CEP164: variants seen among roughly 807,000 people sequenced by gnomAD.
CEP164 encodes centrosomal protein of 164 kDa.
A neutral mutation model predicts 182.7 loss-of-function variants in CEP164; 162 were observed. The observed-to-expected ratio is 0.89, with a 90% CI of 0.78 to 1.01. The LOEUF (loss-of-function observed/expected upper bound fraction) is 1.01. Among genes scored for constraint, CEP164 ranks in the 50% least tolerant of loss-of-function variants. The pLI, the probability that CEP164 is intolerant of heterozygous loss-of-function variation, is 0.00. For synonymous variants in CEP164, 661 were observed against 690.0 expected, an observed-to-expected ratio of 0.96 and a Z score of 0.66; for missense variants, 1,735 against 1,790.4, an observed-to-expected ratio of 0.97 and a Z score of 0.56.
chr11:117,396,028 C>A (rs1046076935), intron 24 of CEP164, 26 bp from the exon 25 acceptor site: 2 of 1,613,710 alleles, frequency 1.2e-6, no homozygotes, highest in African/African-American at 1.3e-5. Flanking sequence ...CGCTGCCCTG[C>A]CTCTCACTCA....
chr11:117,395,866 G>T lies in CEP164; in HGVS notation c.3089+144G>T, dbSNP rs1235494120. The T allele has an allele frequency of 4.1e-6, 5 of 1,224,304 alleles. No homozygotes were observed. The Admixed American group carries it at 1.3e-4, about 31-fold the overall frequency. The allele number at this position is 1,224,304 out of a possible 1,614,324, so 75.8% of individuals were successfully genotyped here. A position where few individuals can be genotyped will look rare whatever the true frequency, so the allele number is the denominator to read the frequency against. The stretch of plus-strand genomic sequence containing the variant: ...GCAGAAGAGCCTGTGGCTACATTTT[G>T]TAGGGAGTTGGGGTTGTTAAGATTC... On this transcript the variant is annotated intron_variant, in intron 24 of 32. Transcript: ENST00000278935.
intron 5 of CEP164, chr11:117,355,790 G>A: frequency 9.0e-7 from 1 of 1,107,932 alleles, no homozygotes. Flanking sequence ...AGAGCCCAGT[G>A]ACCCTGAGGC....
chr11:117,338,535 T>G, intron 2 of CEP164, 31 bp from the exon 3 acceptor site: 1 of 1,519,464 alleles, frequency 6.6e-7, no homozygotes, highest in Non-Finnish European at 9.1e-7. Context: ...TCACTGATTT[T>G]TCTCTTTTGG....
chr11:117,399,834 T>C (rs911179690), intron 27 of CEP164, among the ~76,000 whole-genome samples: 8 of 152,194 alleles, frequency 5.3e-5, no homozygotes, highest in Admixed American at 1.3e-4. Context: ...GATGAGGTTG[T>C]TTGTTTTTTT....
intron 2 of CEP164, among the ~76,000 whole-genome samples, chr11:117,337,696 C>T (rs1176743108): frequency 1.3e-5 from 2 of 152,040 alleles, no homozygotes; most frequent in East Asian, 3.9e-4. Context: ...GGGCAGCAGC[C>T]TCCTCAGGTG....
intron 10 of CEP164, 47 bp from the exon 11 acceptor site, chr11:117,375,661 G>GACACAGTCA: frequency 6.4e-7 from 1 of 1,557,156 alleles, no homozygotes; most frequent in Non-Finnish European, 8.9e-7. Flanking sequence ...GGTGGGTGTT[G>GACACAGTCA]ACTGTGACAG....
intron 8 of CEP164, among the ~76,000 whole-genome samples, chr11:117,369,959 A>T (rs1020594678): frequency 6.6e-6 from 1 of 152,228 alleles, no homozygotes; most frequent in Non-Finnish European, 1.5e-5. Context: ...TGACCTTTCT[A>T]TCCACCCTGC....
In CEP164 at chr11:117,336,734, G is replaced by A. The variant is rs996640744; in HGVS notation, c.-22+1054G>A. ...TGGGCCTTTCTGCTTGAAGAGGGCC[G>A]TTTCATCCTTGCTGCTCCAGGAGGA... On this transcript the variant is annotated intron_variant, in intron 2 of 32. Transcript: ENST00000278935. The A allele has an allele frequency of 2.9e-5, 19 of 664,844 alleles. No homozygotes were observed. The East Asian group carries it at 3.3e-4, about 11-fold the overall frequency. 41.2% of individuals were successfully genotyped at this position (664,844 alleles called of 1,614,324 possible).
In CEP164 at chr11:117,410,907, G is replaced by A; in HGVS notation, c.4163+13G>A. 2 of 1,611,012 alleles carry A rather than the reference G, an allele frequency of 1.2e-6. No homozygotes were observed. The highest frequency in any genetic ancestry group is 1.7e-6 in the Non-Finnish European group (2 of 1,178,590). On this transcript the variant is annotated intron_variant, in intron 31 of 32. Transcript: ENST00000278935. The stretch of plus-strand genomic sequence containing the variant: ...ACATGTCTGCCAGGTGAGCCTCCCT[G>A]GGGGCTGGTTGGGGTGGAACGTCAT...
chr11:117,335,551 G>T (rs964019196), intron 1 of CEP164, 54 bp from the exon 2 acceptor site: 1 of 150,972 alleles, frequency 6.6e-6, no homozygotes, highest in Non-Finnish European at 1.5e-5. Context: ...TCCAGATCCA[G>T]CCATTTCCTT....
Position 117,371,386 on chromosome 11 carries a change from G to T in CEP164, c.1072G>T (p.Gly358Cys), listed in dbSNP as rs1565511650. Residue 358 changes from glycine to cysteine, a missense_variant, in exon 9 of 33, where the codon GGT (glycine) becomes TGT (cysteine). Gly to Cys is a radical substitution (Grantham distance 159, BLOSUM62 -3). Coordinates refer to ENST00000278935, the MANE Select transcript of CEP164 (RefSeq NM_014956.5). ...GGACACAGTAGATGCAGGAGAGGAG[G>T]GTTCCAGGAGGGAAGAGGCAGCCAA... ...PEDTVDAGEE[G>C]SRREEAAKEP... The T allele has an allele frequency of 3.1e-6, 5 of 1,614,098 alleles. No homozygotes were observed. The highest frequency in any genetic ancestry group is 4.2e-6 in the Non-Finnish European group (5 of 1,180,032).
intron 25 of CEP164, 53 bp from the exon 26 acceptor site, chr11:117,396,497 C>T (rs1359131788): frequency 6.8e-7 from 1 of 1,461,942 alleles, no homozygotes; most frequent in Non-Finnish European, 9.6e-7. Context: ...CTTGAACCTG[C>T]AGGGTGTCTG....
chr11:117,387,241 C>G lies in CEP164; in HGVS notation c.1763C>G (p.Ser588Ter). The G allele has an allele frequency of 6.2e-7, 1 of 1,614,180 alleles. No individual in the cohort carries two copies. Among genetic ancestry groups the G allele is most frequent in the Non-Finnish European group, 8.5e-7 (1 of 1,180,004 alleles). Residue 588 changes from serine (S) to a stop codon, truncating the protein, a stop_gained, in exon 15 of 33, where the codon TCA becomes TGA. Coordinates refer to ENST00000278935, the MANE Select transcript of CEP164 (RefSeq NM_014956.5). LOFTEE classifies it high-confidence loss of function. ...TEPVAPPEQLSEAALKAMEEA... is the reference protein window; with the variant it reads ...TEPVAPPEQL The stretch of plus-strand genomic sequence containing the variant: ...CCTGTGGCTCCCCCAGAGCAGCTCT[C>G]AGAGGCTGCACTAAAGGCCATGGAA...
At chr11:117,346,621 T>C (rs570851100) in intron 4 of CEP164, among the ~76,000 whole-genome samples, 49 of 151,754 alleles carry the variant, frequency 3.2e-4, no homozygotes, top group African/African-American at 9.9e-4. Flanking sequence ...CCCAGCACTT[T>C]GGGAGGCCGA....
At chr11:117,408,461 A>G in intron 28 of CEP164, 1 of 241,236 alleles carries the variant, frequency 4.1e-6, no homozygotes, top group Non-Finnish European at 8.2e-6. Context: ...CACTGCAGGG[A>G]GAGCTTACTG....
chr11:117,344,595 T>C (rs1040558328), intron 4 of CEP164, among the ~76,000 whole-genome samples: 14 of 152,182 alleles, frequency 9.2e-5, no homozygotes, highest in African/African-American at 3.1e-4. Context: ...AGACTGATAT[T>C]GTAAGTGACA....
chr11:117,389,755 A>T (rs1273804588), intron 15 of CEP164, among the ~76,000 whole-genome samples: 3 of 152,034 alleles, frequency 2.0e-5, no homozygotes, highest in Non-Finnish European at 4.4e-5. Context: ...AGTGTGGTAG[A>T]ATGGAGGGAT....
At chr11:117,341,629 A>ATT (rs2038137178) in intron 3 of CEP164, among the ~76,000 whole-genome samples, 1 of 152,032 alleles carries the variant, frequency 6.6e-6, no homozygotes, top group African/African-American at 2.4e-5. Flanking sequence ...TTGTGTTGGT[A>ATT]GAGATGGGGT....
intron 3 of CEP164, among the ~76,000 whole-genome samples, chr11:117,341,874 G>A (rs2038177268): frequency 6.6e-6 from 1 of 152,058 alleles, no homozygotes; most frequent in South Asian, 2.1e-4. Flanking sequence ...GCAGGTTTCA[G>A]TTAACTGTCA....
Sources: allele counts gnomAD v4.1 joint callset (sites outside exome capture counted in the v4.1 genomes callset), GRCh38; gene constraint gnomAD v4.1.1; transcripts MANE v1.5; gene names NCBI Gene and HGNC (gene_info 2026-07-23, HGNC 2026-07-21).